Variants in RPS6KC1 observed in about 807,000 individuals in gnomAD.
RPS6KC1 encodes the protein inactive ribosomal protein S6 kinase delta-1.
RPS6KC1 carries 54 observed loss-of-function variants against 103.8 expected under a neutral mutation model. That is an observed-to-expected ratio of 0.52 (90% CI 0.42 to 0.65). RPS6KC1 has a LOEUF of 0.65. RPS6KC1 is among the 30% of genes least tolerant of loss of function. The probability of loss-of-function intolerance (pLI) is 0.00; values close to 1 mark genes in which losing one functional copy is unlikely to be tolerated. For missense variants in RPS6KC1, 1,151 were observed against 1,253.8 expected (o/e 0.92, Z 1.24); for synonymous variants, 439 against 438.7 (o/e 1.00, Z -0.01).
At chr1:213,594,385 G>A in the RPS6KC1 span, among the ~76,000 whole-genome samples, 30 of 152,136 alleles carry the variant, frequency 2.0e-4, no homozygotes, top group African/African-American at 7.2e-4. Context: ...GTTTTGGATA[G>A]AGGGGTAAAA....
the RPS6KC1 span, among the ~76,000 whole-genome samples, chr1:213,654,277 A>C: frequency 6.6e-6 from 1 of 152,236 alleles, no homozygotes; most frequent in South Asian, 2.1e-4. Flanking sequence ...GAAAATCTGA[A>C]GCAAAGTGCT....
At chr1:213,650,767 G>C in the RPS6KC1 span, among the ~76,000 whole-genome samples, 4 of 152,204 alleles carry the variant, frequency 2.6e-5, no homozygotes, top group East Asian at 3.9e-4. Context: ...TGATGACAAG[G>C]CTTCTTTTCC....
chr1:213,721,749 C>T, the RPS6KC1 span, among the ~76,000 whole-genome samples: 5 of 152,316 alleles, frequency 3.3e-5, no homozygotes, highest in African/African-American at 7.2e-5. Context: ...AGAGAGTTCT[C>T]ATATAGCTGG....
the RPS6KC1 span, among the ~76,000 whole-genome samples, chr1:213,633,152 A>T: frequency 1.3e-5 from 2 of 152,226 alleles, no homozygotes; most frequent in South Asian, 4.1e-4. Context: ...GAACTTCCCC[A>T]ACCTAGGAAG....
chr1:213,205,567 T>TATATATA (rs57191154), intron 8 of RPS6KC1, among the ~76,000 whole-genome samples: 9 of 138,632 alleles, frequency 6.5e-5, no homozygotes, highest in South Asian at 2.3e-4. Context: ...TATATATATA[T>TATATATA]TTCAAAAGAA....
At chr1:213,592,089 A>T in the RPS6KC1 span, among the ~76,000 whole-genome samples, 1 of 152,232 alleles carries the variant, frequency 6.6e-6, no homozygotes, top group Non-Finnish European at 1.5e-5. Context: ...GCTGGGCAGT[A>T]CTGCACAACT....
At chr1:213,733,670 C>G in the RPS6KC1 span, among the ~76,000 whole-genome samples, 1,289 of 149,898 alleles carry the variant, frequency 8.6e-3, 15 homozygotes, top group African/African-American at 0.029. Context: ...AATCCCCTTT[C>G]GTGGGTTTTA....
chr1:213,601,123 A>G, the RPS6KC1 span, among the ~76,000 whole-genome samples: 21 of 152,316 alleles, frequency 1.4e-4, no homozygotes, highest in South Asian at 1.4e-3. Flanking sequence ...AAAATTTGAT[A>G]AAACAGGTTG....
At chr1:213,645,609 A>G in the RPS6KC1 span, among the ~76,000 whole-genome samples, 1 of 152,112 alleles carries the variant, frequency 6.6e-6, no homozygotes, top group Non-Finnish European at 1.5e-5. Flanking sequence ...TGGATTATAT[A>G]TGAATAGTGA....
At chr1:213,335,309 G>C in the RPS6KC1 span, among the ~76,000 whole-genome samples, 1 of 152,232 alleles carries the variant, frequency 6.6e-6, no homozygotes, top group African/African-American at 2.4e-5. Flanking sequence ...ATTAGCTGGG[G>C]CTGCGAGTGG....
At chr1:213,543,860 G>A in the RPS6KC1 span, among the ~76,000 whole-genome samples, 157 of 152,052 alleles carry the variant, frequency 1.0e-3, 1 homozygote, top group African/African-American at 3.6e-3. Context: ...AGGGATGGTC[G>A]TGACAGGAAA....
chr1:213,845,024 T>G, the RPS6KC1 span, among the ~76,000 whole-genome samples: 1 of 151,704 alleles, frequency 6.6e-6, no homozygotes, highest in African/African-American at 2.4e-5. Flanking sequence ...GACAGAGGGC[T>G]TCTGCCCCCG....
At chr1:213,728,957 T>TTTTTTTTTTTTTTTTTTTTTTTG in the RPS6KC1 span, among the ~76,000 whole-genome samples, 1 of 143,270 alleles carries the variant, frequency 7.0e-6, no homozygotes, top group Non-Finnish European at 1.5e-5. Flanking sequence ...TGTTTTTTTT[T>TTTTTTTTTTTTTTTTTTTTTTTG]TTTTTTTTAC....
At chr1:213,147,957 T>C (rs2147851674) in intron 6 of RPS6KC1, among the ~76,000 whole-genome samples, 1 of 152,320 alleles carries the variant, frequency 6.6e-6, no homozygotes, top group Non-Finnish European at 1.5e-5. Flanking sequence ...TATTTGTGAC[T>C]GTTGTAAATG....
At chr1:213,210,971 T>C (rs893981093) in intron 8 of RPS6KC1, among the ~76,000 whole-genome samples, 13 of 152,240 alleles carry the variant, frequency 8.5e-5, no homozygotes, top group African/African-American at 3.1e-4. Flanking sequence ...TATTTGGTGC[T>C]TTTTAGGGAC....
intron 6 of RPS6KC1, among the ~76,000 whole-genome samples, chr1:213,158,294 A>C (rs1340885322): frequency 6.6e-6 from 1 of 152,242 alleles, no homozygotes. Flanking sequence ...TAGCCTTAAC[A>C]GGTAAGATCT....
chr1:213,818,722 C>T, the RPS6KC1 span: 1 of 152,180 alleles, frequency 6.6e-6, no homozygotes, highest in African/African-American at 2.4e-5. Flanking sequence ...TTTTTCTCTT[C>T]CCTGCACAGA....
At chr1:213,276,300 T>C (rs2095112349), downstream of RPS6KC1, among the ~76,000 whole-genome samples, 1 of 152,194 alleles carries the variant, frequency 6.6e-6, no homozygotes, top group African/African-American at 2.4e-5. Flanking sequence ...AGATGATCAG[T>C]TTCTAAGCAT....
chr1:213,132,375 A>G (rs2085738663), intron 6 of RPS6KC1, among the ~76,000 whole-genome samples: 4 of 152,192 alleles, frequency 2.6e-5, no homozygotes, highest in Admixed American at 2.6e-4. Context: ...ATTCAGACAA[A>G]CTATGGGAAC....
Sources: allele counts gnomAD v4.1 joint callset (sites outside exome capture counted in the v4.1 genomes callset), GRCh38; gene constraint gnomAD v4.1.1; transcripts MANE v1.5; gene names NCBI Gene and HGNC (gene_info 2026-07-23, HGNC 2026-07-21).